CAMTA1: variants seen among roughly 807,000 people sequenced by gnomAD.
CAMTA1 encodes calmodulin-binding transcription activator 1.
Under a neutral mutation model 170.9 loss-of-function variants are expected in CAMTA1, and 27 were observed. The observed-to-expected ratio is 0.16, with a 90% confidence interval of 0.12 to 0.22. The LOEUF is 0.22. Among genes scored for constraint, CAMTA1 ranks in the 10% least tolerant of loss-of-function variants. The probability of loss-of-function intolerance (pLI) is 1.00; values close to 1 mark genes in which losing one functional copy is unlikely to be tolerated. For synonymous variants in CAMTA1, 833 were observed against 891.5 expected (o/e 0.93, Z 1.17); for missense variants, 1,619 against 2,217.2 (o/e 0.73, Z 5.42).
At chr1:7,573,909 G>C (rs548017566) in intron 6 of CAMTA1, among the ~76,000 whole-genome samples, 4 of 152,242 alleles carry the variant, frequency 2.6e-5, no homozygotes. Flanking sequence ...GTGTAGCTGG[G>C]ATTACAGGCG....
At chr1:7,219,466 T>C (rs985804930) in intron 4 of CAMTA1, 1 of 141,238 alleles carries the variant, frequency 7.1e-6, no homozygotes, top group African/African-American at 2.7e-5. Flanking sequence ...TTTCCCCAAA[T>C]GTGGGAAACT....
chr1:6,871,721 A>T, intron 3 of CAMTA1: 1 of 1,508,728 alleles, frequency 6.6e-7, no homozygotes, highest in Non-Finnish European at 8.9e-7. Context: ...TCTCAGAGAT[A>T]CTAGTTTTAC....
chr1:7,469,693 GC>G (rs1027918695), intron 6 of CAMTA1, among the ~76,000 whole-genome samples: 1 of 152,094 alleles, frequency 6.6e-6, no homozygotes, highest in African/African-American at 2.4e-5. Context: ...CTTTTCTCCT[GC>G]ACCCACGCCT....
rs201278253 is a variant in CAMTA1, at chr1:7,655,084, C to A, written c.665-6642C>A. Among the ~76,000 whole-genome samples the A allele has an allele frequency of 7.5e-4, 44 of 58,456 alleles. 1 individual carries two copies. The highest frequency in any genetic ancestry group is 2.0e-3 in the East Asian group (5 of 2,556). The allele number at this position is 58,456 out of a possible 152,430, so 38.3% of individuals were successfully genotyped here. ...AACACACCCACCTATACACACACAC[C>A]CACCTATACACACACACCTATACAC... On this transcript the variant is annotated intron_variant, in intron 7 of 22. Coordinates refer to ENST00000303635, the MANE Select transcript of CAMTA1 (RefSeq NM_015215.4).
At chr1:7,620,977 G>A (rs948568860) in intron 6 of CAMTA1, among the ~76,000 whole-genome samples, 3 of 152,194 alleles carry the variant, frequency 2.0e-5, no homozygotes, top group African/African-American at 7.2e-5. Context: ...CAGGATGCAT[G>A]GGGCCAGAGC....
chr1:7,052,613 C>T (rs991855081), intron 3 of CAMTA1, among the ~76,000 whole-genome samples: 2 of 152,180 alleles, frequency 1.3e-5, no homozygotes, highest in Non-Finnish European at 2.9e-5. Flanking sequence ...CCCCTTTCCC[C>T]TCGCTCACAT....
At chr1:7,068,053 A>G (rs1709185811) in intron 3 of CAMTA1, among the ~76,000 whole-genome samples, 1 of 152,240 alleles carries the variant, frequency 6.6e-6, no homozygotes, top group Non-Finnish European at 1.5e-5. Flanking sequence ...GAAGGAACCC[A>G]GCTGACATCA....
At chr1:7,273,536 C>T (rs924904636) in intron 5 of CAMTA1, among the ~76,000 whole-genome samples, 10 of 152,176 alleles carry the variant, frequency 6.6e-5, no homozygotes, top group Admixed American at 2.6e-4. Context: ...CCTATAGAGA[C>T]AGAAAGCAGA....
In CAMTA1 at chr1:7,340,244, A is replaced by G. The variant is rs188135969; in HGVS notation, c.438+90618A>G. On this transcript the variant is annotated intron_variant, in intron 5 of 22. Transcript: ENST00000303635. ...TTTGGCCCACAGTTATAGTGTGCCAATTGTTGTTGTAGCTTGTCATTTTCT... is the reference window on the plus strand; with the variant it reads ...TTTGGCCCACAGTTATAGTGTGCCAGTTGTTGTTGTAGCTTGTCATTTTCT... Among the ~76,000 whole-genome samples, 122 of 152,312 alleles carry G rather than the reference A, an allele frequency of 8.0e-4. 1 individual carries two copies. The East Asian group carries it at 0.017, about 21-fold the overall frequency.
rs907077082 is a variant in CAMTA1 at position 7,664,335 on chromosome 1, G to T, written c.1788G>T (p.Thr596=). Residue 596 remains threonine, a synonymous_variant, in exon 9 of 23, where the codon ACG becomes ACT. Transcript: ENST00000303635. ...CCATCGACTCCAACAAGGACTACAC[G>T]TCCAGCTTCAGCCAGACGGGCCACA... ...FSAIDSNKDY[T]SSFSQTGHSP... 6.2e-7 allele frequency: 1 copy of T among 1,613,394 alleles called. No individual in the cohort carries two copies. The highest frequency in any genetic ancestry group is 1.3e-5 in the African/African-American group (1 of 74,930).
intron 5 of CAMTA1, among the ~76,000 whole-genome samples, chr1:7,312,686 CT>C (rs778920253): frequency 2.0e-5 from 3 of 152,202 alleles, no homozygotes; most frequent in Non-Finnish European, 2.9e-5. Flanking sequence ...CTGTCCCTAA[CT>C]GACTTTCAGC....
rs554548416 is a variant in CAMTA1 at position 7,092,927 on chromosome 1, T to A, written c.302+1556T>A. Reference sequence around the variant, plus strand: ...AAACTCCTGCTCAGATGTGGCATCATATGTCATGCCTGCTGATGAATCCAC... The same window carrying A: ...AAACTCCTGCTCAGATGTGGCATCAAATGTCATGCCTGCTGATGAATCCAC... On this transcript the variant is annotated intron_variant, in intron 4 of 22. Transcript: ENST00000303635. The surrounding 1 kb of genome is among the most constrained non-coding windows in gnomAD (Gnocchi z 5.0). Among the ~76,000 whole-genome samples the A allele has an allele frequency of 6.6e-6, 1 of 152,312 alleles. No homozygotes were observed. Among genetic ancestry groups the A allele is most frequent in the Admixed American group, 6.5e-5 (1 of 15,300 alleles).
chr1:7,612,067 C>T (rs1263138562), intron 6 of CAMTA1, among the ~76,000 whole-genome samples: 2 of 152,310 alleles, frequency 1.3e-5, no homozygotes, highest in Non-Finnish European at 2.9e-5. Context: ...GCTGTTTTGG[C>T]AGTTGCCATC....
chr1:6,914,626 G>C (rs1050299641), intron 3 of CAMTA1, among the ~76,000 whole-genome samples: 8 of 152,174 alleles, frequency 5.3e-5, no homozygotes, highest in African/African-American at 1.9e-4. Flanking sequence ...ACCCACTGGT[G>C]GAACCTATTC....
intron 3 of CAMTA1, among the ~76,000 whole-genome samples, chr1:6,922,440 G>A (rs550376448): frequency 5.9e-5 from 9 of 152,308 alleles, no homozygotes; most frequent in Admixed American, 2.6e-4. Context: ...CAGTCAGATA[G>A]TGGCTGGGCT....
At chr1:7,309,530 A>T (rs991347902) in intron 5 of CAMTA1, among the ~76,000 whole-genome samples, 1 of 151,004 alleles carries the variant, frequency 6.6e-6, no homozygotes. Context: ...CGATCTCCTG[A>T]CCTCGTGATC....
chr1:7,429,500 T>C (rs964830506), intron 5 of CAMTA1, among the ~76,000 whole-genome samples: 1 of 151,908 alleles, frequency 6.6e-6, no homozygotes, highest in Non-Finnish European at 1.5e-5. Flanking sequence ...ATGGTGATGA[T>C]GGTGGTAATG....
At chr1:7,049,374 T>C (rs1705930086) in intron 3 of CAMTA1, among the ~76,000 whole-genome samples, 1 of 152,216 alleles carries the variant, frequency 6.6e-6, no homozygotes, top group Admixed American at 6.5e-5. Flanking sequence ...TCCTCTATTC[T>C]GGGAAAGTGT....
rs567599817 is a variant in CAMTA1, at chr1:7,739,805, T to C, written c.4182+1323T>C. Among the ~76,000 whole-genome samples, 37 of 152,094 alleles carry C rather than the reference T, an allele frequency of 2.4e-4. No individual in the cohort carries two copies. In the South Asian group the frequency reaches 6.5e-3, roughly 27 times the overall value. ...CATTATGGGAGCTACAGTTCAAGAT[T>C]AGATTTGGGTAGGGACACAGCCAAA... On this transcript the variant is annotated intron_variant, in intron 16 of 22. Coordinates refer to ENST00000303635, the MANE Select transcript of CAMTA1 (RefSeq NM_015215.4).
Sources: gnomAD v4.1 joint callset for allele counts (sites outside exome capture counted in the v4.1 genomes callset) on GRCh38, gnomAD v4.1.1 for gene constraint, Gnocchi (gnomAD v3.1) non-coding constraint, MANE v1.5 for transcripts, NCBI Gene and HGNC (gene_info 2026-07-23, HGNC 2026-07-21) for gene names.